Variants in MEI4 observed in about 807,000 individuals in gnomAD.
The protein encoded by MEI4 is meiotic double-stranded break formation protein 4, also known as meiosis-specific protein MEI4.
MEI4 carries 27 observed loss-of-function variants against 31.4 expected under a neutral mutation model. The ratio of observed to expected loss-of-function variants is 0.86; its 90% confidence interval spans 0.63 to 1.19. The LOEUF (loss-of-function observed/expected upper bound fraction) is 1.19, where lower values mean the gene tolerates loss of function less well. MEI4 is among the 50% of genes most tolerant of loss of function. The pLI, the probability that MEI4 is intolerant of heterozygous loss-of-function variation, is 0.00. For synonymous variants in MEI4, 122 were observed against 145.4 expected (o/e 0.84, Z 1.16); for missense variants, 329 against 398.9 (o/e 0.82, Z 1.49).
intron 2 of MEI4, among the ~76,000 whole-genome samples, chr6:77,704,662 T>C (rs1766293101): frequency 6.6e-6 from 1 of 152,152 alleles, no homozygotes. Flanking sequence ...CCCCAGGTGA[T>C]TCTCATGAAT....
At chr6:77,853,258 T>C (rs533095302) in intron 4 of MEI4, among the ~76,000 whole-genome samples, 28 of 152,270 alleles carry the variant, frequency 1.8e-4, no homozygotes, top group Admixed American at 1.5e-3. Context: ...TTCTAATACC[T>C]AGAGCATTGT....
At chr6:77,804,533 C>T (rs976796795) in intron 3 of MEI4, among the ~76,000 whole-genome samples, 1 of 152,202 alleles carries the variant, frequency 6.6e-6, no homozygotes. Context: ...AATCACCCGT[C>T]TTCTATTTCG....
chr6:77,871,524 A>G (rs1771191376), intron 4 of MEI4, among the ~76,000 whole-genome samples: 1 of 152,076 alleles, frequency 6.6e-6, no homozygotes, highest in African/African-American at 2.4e-5. Flanking sequence ...AGATGGGAAT[A>G]ACAGACACTG....
chr6:77,790,170 G>T (rs547678505), intron 3 of MEI4, among the ~76,000 whole-genome samples: 2 of 148,448 alleles, frequency 1.3e-5, no homozygotes, highest in South Asian at 4.3e-4. Flanking sequence ...AGCAAACACC[G>T]CATGTTCTCA....
chr6:77,672,120 C>T (rs376530601), intron 1 of MEI4, among the ~76,000 whole-genome samples: 8 of 151,854 alleles, frequency 5.3e-5, no homozygotes, highest in South Asian at 4.2e-4. Flanking sequence ...TACTGGCGGG[C>T]GAAGAGGAAA....
chr6:77,815,733 T>G (rs2127706381), intron 3 of MEI4, among the ~76,000 whole-genome samples: 1 of 152,162 alleles, frequency 6.6e-6, no homozygotes, highest in Admixed American at 6.6e-5. Flanking sequence ...TACTGCTGGG[T>G]TGGAACTTTA....
chr6:77,913,902 C>T (rs567749825), intron 4 of MEI4, among the ~76,000 whole-genome samples: 7 of 151,448 alleles, frequency 4.6e-5, no homozygotes, highest in African/African-American at 9.7e-5. Flanking sequence ...AGTGTGGTGG[C>T]GGGCACCTGT....
At chr6:77,742,902 C>A (rs1039540440) in intron 2 of MEI4, among the ~76,000 whole-genome samples, 1 of 152,034 alleles carries the variant, frequency 6.6e-6, no homozygotes, top group Non-Finnish European at 1.5e-5. Flanking sequence ...GCTTGTTTTT[C>A]ACAGGTTTGT....
intron 2 of MEI4, among the ~76,000 whole-genome samples, chr6:77,723,209 T>C: frequency 7.0e-6 from 1 of 143,654 alleles, no homozygotes; most frequent in Non-Finnish European, 1.5e-5. Context: ...CCTGTAGGGA[T>C]TTTTTGTGGG....
chr6:77,680,894 G>A (rs1183125676), intron 1 of MEI4, among the ~76,000 whole-genome samples: 1 of 152,126 alleles, frequency 6.6e-6, no homozygotes, highest in African/African-American at 2.4e-5. Flanking sequence ...AATTAATAAT[G>A]AGCCCTAAAG....
chr6:77,806,727 T>G (rs1006678867), intron 3 of MEI4, among the ~76,000 whole-genome samples: 1 of 152,118 alleles, frequency 6.6e-6, no homozygotes, highest in African/African-American at 2.4e-5. Flanking sequence ...TTTAAAGGAA[T>G]TTGGTTGTTA....
chr6:77,700,225 A>T (rs1766183519), intron 2 of MEI4, among the ~76,000 whole-genome samples: 2 of 152,086 alleles, frequency 1.3e-5, no homozygotes, highest in South Asian at 4.1e-4. Context: ...GGCCTCCTTG[A>T]GCTGTGGTGG....
intron 2 of MEI4, among the ~76,000 whole-genome samples, chr6:77,752,403 C>T (rs1767798567): frequency 2.0e-5 from 3 of 152,198 alleles, no homozygotes; most frequent in Admixed American, 2.0e-4. Context: ...TGATAAGCAA[C>T]TTCAGCAAAG....
intron 2 of MEI4, among the ~76,000 whole-genome samples, chr6:77,735,235 A>T (rs1278157381): frequency 2.6e-5 from 4 of 152,022 alleles, no homozygotes; most frequent in Non-Finnish European, 5.9e-5. Context: ...GTGTTTTCCA[A>T]CTTGGCTCCA....
At chr6:77,663,739 C>A (rs546278666) in intron 1 of MEI4, among the ~76,000 whole-genome samples, 1 of 152,226 alleles carries the variant, frequency 6.6e-6, no homozygotes, top group East Asian at 1.9e-4. Flanking sequence ...ACGGGCTTAC[C>A]TTCCACTGTG....
At chr6:77,692,690 A>T (rs1769180305) in intron 2 of MEI4, among the ~76,000 whole-genome samples, 1 of 152,070 alleles carries the variant, frequency 6.6e-6, no homozygotes. Context: ...ATACCTAAAT[A>T]CCTAAATAAG....
intron 4 of MEI4, among the ~76,000 whole-genome samples, chr6:77,900,881 G>A (rs1198552972): frequency 4.0e-5 from 6 of 151,616 alleles, no homozygotes; most frequent in Non-Finnish European, 8.8e-5. Flanking sequence ...CTTATTCCTC[G>A]GTCTCTGGTA....
chr6:77,708,054 A>C (rs1766370496), intron 2 of MEI4, among the ~76,000 whole-genome samples: 1 of 152,214 alleles, frequency 6.6e-6, no homozygotes, highest in Non-Finnish European at 1.5e-5. Context: ...AAGAGTTCCC[A>C]CTGGGGCACT....
At chr6:77,834,175 A>G (rs563284344) in intron 4 of MEI4, among the ~76,000 whole-genome samples, 5 of 152,164 alleles carry the variant, frequency 3.3e-5, no homozygotes, top group South Asian at 2.1e-4. Context: ...TGGGGCCTCA[A>G]TATGCAAAGA....
Sources: gnomAD v4.1 joint callset for allele counts (sites outside exome capture counted in the v4.1 genomes callset) on GRCh38, gnomAD v4.1.1 for gene constraint, MANE v1.5 for transcripts, NCBI Gene and HGNC (gene_info 2026-07-23, HGNC 2026-07-21) for gene names.